Variants in CLSTN1 observed in about 807,000 individuals in gnomAD.
CLSTN1 encodes calsyntenin 1.
A neutral mutation model predicts 108.3 loss-of-function variants in CLSTN1; 28 were observed. The ratio of observed to expected loss-of-function variants is 0.26; its 90% CI spans 0.19 to 0.35. The LOEUF is 0.35. Ranked by LOEUF, CLSTN1 falls within the 10% of genes least tolerant of loss-of-function variation. The probability of loss-of-function intolerance (pLI) is 1.00; values close to 1 mark genes in which losing one functional copy is unlikely to be tolerated. For synonymous variants in CLSTN1, 524 were observed against 534.9 expected, an observed-to-expected ratio of 0.98 and a Z score of 0.28; for missense variants, 1,157 against 1,302.6, an observed-to-expected ratio of 0.89 and a Z score of 1.72.
At chr1:9,756,374 G>T in intron 3 of CLSTN1, 107 bp downstream of exon 3, 1 of 862,106 alleles carries the variant, frequency 1.2e-6, no homozygotes, top group Non-Finnish European at 1.9e-6. Context: ...AATAAATAAG[G>T]ATAAAAGAGC....
chr1:9,802,797 T>C lies in CLSTN1; in HGVS notation c.91+20846A>G, dbSNP rs530196447. Among the ~76,000 whole-genome samples the C allele has an allele frequency of 1.1e-4, 16 of 151,588 alleles. No individual in the cohort carries two copies. The East Asian group carries it at 2.5e-3, about 24-fold the overall frequency. ...CCTTCCATTTCTAGAATTCTAGCCA[T>C]ATAATTAAGGAGCTGATTTTCTTAG... is the stretch of plus-strand genomic sequence containing the variant. On this transcript the variant is annotated intron_variant, in intron 1 of 18. Coordinates refer to ENST00000377298, the MANE Select transcript of CLSTN1 (RefSeq NM_001009566.3).
intron 2 of CLSTN1, among the ~76,000 whole-genome samples, chr1:9,760,111 C>T (rs1651999774): frequency 6.6e-6 from 1 of 152,130 alleles, no homozygotes; most frequent in Non-Finnish European, 1.5e-5. Flanking sequence ...CTCTGTTGCC[C>T]AGGCTGGAAT....
At chr1:9,751,770 TG>T (rs1212684014) in intron 4 of CLSTN1, 89 bp from the exon 5 acceptor site, 3 of 1,139,308 alleles carry the variant, frequency 2.6e-6, no homozygotes, top group African/African-American at 1.5e-5. Flanking sequence ...TACCCAATTC[TG>T]CCCTACTTTA....
At chr1:9,769,333 G>A (rs914978149) in intron 2 of CLSTN1, among the ~76,000 whole-genome samples, 1 of 152,014 alleles carries the variant, frequency 6.6e-6, no homozygotes, top group African/African-American at 2.4e-5. Context: ...ACAAAGACCT[G>A]TACAGGAATG....
intron 1 of CLSTN1, among the ~76,000 whole-genome samples, chr1:9,804,384 C>T (rs1020105120): frequency 3.5e-5 from 5 of 143,238 alleles, no homozygotes; most frequent in African/African-American, 1.0e-4. Flanking sequence ...AAAAAAAAGG[C>T]GAGGGTAATA....
intron 1 of CLSTN1, chr1:9,780,968 A>C: frequency 2.2e-6 from 1 of 452,288 alleles, no homozygotes; most frequent in Non-Finnish European, 3.9e-6. Context: ...GAGGTGTGGA[A>C]TTTTCCACTG....
Position 9,730,692 on chromosome 1 carries a change from T to A in CLSTN1, c.2762A>T (p.Gln921Leu), listed in dbSNP as rs777576529. ...TVNPMETYED[Q>L]HSSEEEEEEE... ...TTCCTCCTCCTCCTCACTGCTGTGC[T>A]GGTCCTCATAGGTCTGGCAAGGAGA... The change falls in exon 19 of 19, where the codon CAG becomes CTG. Residue 921 changes from glutamine to leucine, a missense_variant. Coordinates refer to ENST00000377298, the MANE Select transcript of CLSTN1 (RefSeq NM_001009566.3). This position sits in a 1 kb window ranked among gnomAD's most constrained non-coding sequence, Gnocchi z 5.6. 11 of 1,606,106 alleles carry A rather than the reference T, an allele frequency of 6.8e-6. No homozygotes were observed. The Admixed American group carries it at 8.4e-5, about 12-fold the overall frequency.
rs903570422 is a variant in CLSTN1, at chr1:9,818,079, C to T, written c.91+5564G>A. On this transcript the variant is annotated intron_variant, in intron 1 of 18. Coordinates refer to ENST00000377298, the MANE Select transcript of CLSTN1 (RefSeq NM_001009566.3). ...TGGAATGCAAGTGGTGTGACCTTGG[C>T]TCACTGCAGCCTCAACCTGCCAGGC... Among the ~76,000 whole-genome samples, 5 of 145,590 alleles carry T rather than the reference C, an allele frequency of 3.4e-5. No individual in the cohort carries two copies. In the East Asian group the frequency reaches 1.1e-3, roughly 31 times the overall value.
In CLSTN1 at chr1:9,741,080, G is replaced by C. The variant is rs762381732; in HGVS notation, c.1519+14C>G. 1 of 1,610,032 alleles carries C rather than the reference G, an allele frequency of 6.2e-7. No homozygotes were observed. The highest frequency in any genetic ancestry group is 1.3e-5 in the African/African-American group (1 of 74,952). On this transcript the variant is annotated intron_variant, in intron 10 of 18. Coordinates refer to ENST00000377298, the MANE Select transcript of CLSTN1 (RefSeq NM_001009566.3). ...TTAATTCTCGAGTCGAGGGCGGGGG[G>C]TAATGACAGGTACCTTGCCAGCAAG... is the stretch of plus-strand genomic sequence containing the variant.
In CLSTN1 at chr1:9,734,156, C is replaced by T; in HGVS notation, c.2111-14G>A. On this transcript the variant is annotated splice_polypyrimidine_tract_variant and intron_variant, in intron 14 of 18. Transcript: ENST00000377298. This position sits in a 1 kb window ranked among gnomAD's most constrained non-coding sequence, Gnocchi z 4.8. ...GTGATTCTTGAACTGCAAAAGAGGC[C>T]CAACCAGAAATATTAAGTAGGGGCA... is the stretch of plus-strand genomic sequence containing the variant. The T allele has an allele frequency of 6.2e-7, 1 of 1,613,418 alleles. No homozygotes were observed. Among genetic ancestry groups the T allele is most frequent in the Non-Finnish European group, 8.5e-7 (1 of 1,179,596 alleles).
At chr1:9,743,794 G>A (rs1651102139) in intron 9 of CLSTN1, 90 bp downstream of exon 9, 1 of 1,475,252 alleles carries the variant, frequency 6.8e-7, no homozygotes, top group Non-Finnish European at 9.3e-7. Flanking sequence ...CTGGGCTCAA[G>A]CAATCCTCGT....
At chr1:9,801,958 C>CA (rs1654291309) in intron 1 of CLSTN1, among the ~76,000 whole-genome samples, 1 of 151,938 alleles carries the variant, frequency 6.6e-6, no homozygotes, top group Non-Finnish European at 1.5e-5. Context: ...ACAAAGCAAG[C>CA]AAAAAAACAG....
At chr1:9,742,170 C>T (rs1437947632) in intron 9 of CLSTN1, among the ~76,000 whole-genome samples, 2 of 152,102 alleles carry the variant, frequency 1.3e-5, no homozygotes, top group Admixed American at 6.6e-5. Flanking sequence ...TACTTGAAAT[C>T]TGAACATTGA....
At chr1:9,746,114 C>T (rs1651255556) in intron 7 of CLSTN1, among the ~76,000 whole-genome samples, 1 of 152,062 alleles carries the variant, frequency 6.6e-6, no homozygotes, top group Non-Finnish European at 1.5e-5. Flanking sequence ...ACTGACCAGC[C>T]TCCCAGGTGG....
intron 2 of CLSTN1, 131 bp downstream of exon 2, chr1:9,773,141 A>G (rs1413636808): frequency 1.1e-5 from 14 of 1,260,008 alleles, no homozygotes; most frequent in African/African-American, 3.0e-5. Flanking sequence ...AACATGCTAC[A>G]AAGGACGCTA....
chr1:9,731,273 T>C lies in CLSTN1; in HGVS notation c.2681A>G (p.Asp894Gly). The change falls in exon 18 of 19, where the codon GAC becomes GGC. Residue 894 changes from aspartate (D) to glycine (G), a missense_variant. Asp to Gly is a moderately conservative substitution (Grantham distance 94, BLOSUM62 -1). Coordinates refer to ENST00000377298, the MANE Select transcript of CLSTN1 (RefSeq NM_001009566.3). Reference sequence around the variant, plus strand: ...GTCCATCTCGTTCTCCTTCCCGGTGTCCTGATCCCGCATGGTCCGCCGATG... The same window carrying C: ...GTCCATCTCGTTCTCCTTCCCGGTGCCCTGATCCCGCATGGTCCGCCGATG... ...AAHRRTMRDQ[D>G]TGKENEMDWD... 2 of 1,614,238 alleles carry C rather than the reference T, an allele frequency of 1.2e-6. No homozygotes were observed. The highest frequency in any genetic ancestry group is 8.5e-7 in the Non-Finnish European group (1 of 1,180,044).
Position 9,759,802 on chromosome 1 carries a change from T to C in CLSTN1, c.215-3292A>G, listed in dbSNP as rs115684834. Among the ~76,000 whole-genome samples, 836 of 152,338 alleles carry C rather than the reference T, an allele frequency of 5.5e-3. 11 individuals are homozygous for C. Among genetic ancestry groups the C allele is most frequent in the African/African-American group, 0.019 (809 of 41,576 alleles). On this transcript the variant is annotated intron_variant, in intron 2 of 18. Transcript: ENST00000377298. ...CTAGAGAGACACCCACGAGTAAAAC[T>C]GCCTGGTATCAGATGTGTCCAAATG...
chr1:9,764,817 A>C (rs2101136451), intron 2 of CLSTN1, among the ~76,000 whole-genome samples: 1 of 152,116 alleles, frequency 6.6e-6, no homozygotes, highest in East Asian at 1.9e-4. Flanking sequence ...CCACATTATC[A>C]GTGGCTTTGA....
At chr1:9,752,490 T>A (rs1289468220) in intron 4 of CLSTN1, among the ~76,000 whole-genome samples, 1 of 152,188 alleles carries the variant, frequency 6.6e-6, no homozygotes, top group Non-Finnish European at 1.5e-5. Flanking sequence ...CTCATCCCAG[T>A]GCCATCGGTC....
Sources: allele counts gnomAD v4.1 joint callset (sites outside exome capture counted in the v4.1 genomes callset), GRCh38; gene constraint gnomAD v4.1.1; non-coding constraint Gnocchi (gnomAD v3.1); transcripts MANE v1.5; gene names NCBI Gene and HGNC (gene_info 2026-07-23, HGNC 2026-07-21).